Variants in NAV1 observed in about 807,000 individuals in gnomAD.
NAV1 encodes neuron navigator 1.
In NAV1, 18 loss-of-function variants were observed where a neutral mutation model predicts 175.2. The ratio of observed to expected loss-of-function variants is 0.10; its 90% CI spans 0.07 to 0.15. The LOEUF (loss-of-function observed/expected upper bound fraction) is 0.15. NAV1 is among the 10% of genes least tolerant of loss of function. The pLI, the probability that NAV1 is intolerant of heterozygous loss-of-function variation, is 1.00. For missense variants in NAV1, 1,731 were observed against 2,436.6 expected (o/e 0.71, Z 6.10); for synonymous variants, 897 against 978.7 (o/e 0.92, Z 1.56).
exon 1 of NAV1, chr1:201,648,490 G>C (rs1464436025): frequency 8.9e-6 from 11 of 1,232,290 alleles, no homozygotes; most frequent in Non-Finnish European, 9.1e-6. Flanking sequence ...TGCGCCCTCG[G>C]CTTGCCTCTC....
At chr1:201,554,682 C>G (rs983465619) in intron 1 of NAV1, among the ~76,000 whole-genome samples, 1 of 152,190 alleles carries the variant, frequency 6.6e-6, no homozygotes, top group Non-Finnish European at 1.5e-5. Context: ...AGTTGAGTCC[C>G]TCCTGCACCT....
At chr1:201,685,075 C>T (rs550452428) in intron 1 of NAV1, among the ~76,000 whole-genome samples, 16 of 40,068 alleles carry the variant, frequency 4.0e-4, no homozygotes, top group East Asian at 1.6e-3. Flanking sequence ...GTCAGAAATT[C>T]GCACTGGCCA....
Position 201,787,995 on chromosome 1 carries a change from G to T in NAV1, c.2996-473G>T, listed in dbSNP as rs1571494198. On this transcript the variant is annotated intron_variant, in intron 9 of 29. Transcript: ENST00000367296. The surrounding 1 kb of genome is among the most constrained non-coding windows in gnomAD (Gnocchi z 4.3). ...CCCTTCCACAATGCCAGGGCAACGGGATCCCGTAGCCCAGCCCCCTTCTCT... is the reference window on the plus strand; with the variant it reads ...CCCTTCCACAATGCCAGGGCAACGGTATCCCGTAGCCCAGCCCCCTTCTCT... Among the ~76,000 whole-genome samples, 2 of 152,280 alleles carry T rather than the reference G, an allele frequency of 1.3e-5. No homozygotes were observed. The highest frequency in any genetic ancestry group is 1.3e-4 in the Admixed American group (2 of 15,296).
rs556530838 is a variant in NAV1 at position 201,587,762 on chromosome 1, AATAG to A, written c.-143-773_-143-770del. Among the ~76,000 whole-genome samples the A allele has an allele frequency of 7.9e-5, 12 of 152,346 alleles. No homozygotes were observed. The South Asian group carries it at 2.3e-3, about 29-fold the overall frequency. ...AAATTAAAAGTAGGCAAAATATTTGAATAGATATTTATCCAAAGACAATACACAA... is the reference window on the plus strand; with the variant it reads ...AAATTAAAAGTAGGCAAAATATTTGAATATTTATCCAAAGACAATACACAA... On this transcript the variant is annotated intron_variant, in intron 1 of 33. Coordinates refer to the NAV1 transcript ENST00000685211.
At chr1:201,571,638 T>C (rs1666546889) in intron 1 of NAV1, among the ~76,000 whole-genome samples, 2 of 152,246 alleles carry the variant, frequency 1.3e-5, no homozygotes, top group African/African-American at 4.8e-5. Flanking sequence ...CCCCTTCAAT[T>C]ATCCACAGTC....
At chr1:201,685,139 G>A (rs1670635373) in intron 1 of NAV1, among the ~76,000 whole-genome samples, 1 of 151,926 alleles carries the variant, frequency 6.6e-6, no homozygotes, top group South Asian at 2.1e-4. Context: ...TGGCATGGTG[G>A]TGGGCACCTG....
chr1:201,715,435 C>A (rs1406840554), intron 2 of NAV1, among the ~76,000 whole-genome samples: 1 of 152,208 alleles, frequency 6.6e-6, no homozygotes, highest in Non-Finnish European at 1.5e-5. Flanking sequence ...GCTGGGATTA[C>A]AGGTGTGAGC....
At chr1:201,542,443 TC>T (rs1665541345) in intron 1 of NAV1, among the ~76,000 whole-genome samples, 1 of 152,136 alleles carries the variant, frequency 6.6e-6, no homozygotes, top group Non-Finnish European at 1.5e-5. Context: ...CACTTTTAGT[TC>T]CTTCTTCAAC....
At chr1:201,649,357 A>G in exon 1 of NAV1, 1 of 1,609,108 alleles carries the variant, frequency 6.2e-7, no homozygotes, top group Non-Finnish European at 8.5e-7. Context: ...GCCTTCCTCA[A>G]GGTGGACCCC....
chr1:201,662,093 T>G (rs576520515), intron 1 of NAV1, among the ~76,000 whole-genome samples: 27 of 152,368 alleles, frequency 1.8e-4, no homozygotes, highest in African/African-American at 5.8e-4. Context: ...ACCTGCCTCC[T>G]TAGCCACTAT....
chr1:201,682,186 T>TGA (rs1200607712), intron 1 of NAV1, among the ~76,000 whole-genome samples: 2 of 150,654 alleles, frequency 1.3e-5, no homozygotes, highest in Non-Finnish European at 2.9e-5. Context: ...CCTGGGAGGC[T>TGA]GAGGCACAAG....
chr1:201,649,039 A>G (rs780961371), exon 1 of NAV1: 1 of 1,613,564 alleles, frequency 6.2e-7, no homozygotes, highest in Non-Finnish European at 8.5e-7. Flanking sequence ...GGCTTAGGCA[A>G]GGTGGGGTCC....
At chr1:201,565,682 A>G (rs1482568272) in intron 1 of NAV1, among the ~76,000 whole-genome samples, 1 of 152,196 alleles carries the variant, frequency 6.6e-6, no homozygotes, top group African/African-American at 2.4e-5. Context: ...GCGTTTTGCA[A>G]TCATTTTTAT....
chr1:201,701,009 CAAAAAAAAAAA>C (rs386369321), intron 1 of NAV1, among the ~76,000 whole-genome samples: 1 of 52,752 alleles, frequency 1.9e-5, no homozygotes, highest in East Asian at 7.3e-4. Flanking sequence ...GACTCTGTCT[CAAAAAAAAAAA>C]AAAAAAAAAA....
intron 2 of NAV1, among the ~76,000 whole-genome samples, chr1:201,636,158 G>A (rs570518675): frequency 1.3e-5 from 2 of 152,182 alleles, no homozygotes; most frequent in Non-Finnish European, 2.9e-5. Flanking sequence ...GTCTCCCTGG[G>A]AAGGCCCAGG....
chr1:201,787,399 A>G lies in NAV1; in HGVS notation c.2995+822A>G, dbSNP rs1396011929. Among the ~76,000 whole-genome samples, 3 of 152,176 alleles carry G rather than the reference A, an allele frequency of 2.0e-5. No individual in the cohort carries two copies. Among genetic ancestry groups the G allele is most frequent in the Non-Finnish European group, 4.4e-5 (3 of 68,026 alleles). ...GGACCTGTAACACACCCATGCAGTG[A>G]CTGTGGGGAATTTGAGGAAAGACTA... On this transcript the variant is annotated intron_variant, in intron 9 of 29. Coordinates refer to ENST00000367296, the Ensembl canonical transcript of NAV1. The surrounding 1 kb of genome is among the most constrained non-coding windows in gnomAD (Gnocchi z 4.3).
intron 7 of NAV1, 106 bp from the exon 12 acceptor site, chr1:201,785,204 T>C (rs1676643618): frequency 8.6e-6 from 10 of 1,168,436 alleles, no homozygotes; most frequent in African/African-American, 1.6e-5. Context: ...ATGTCCTGCG[T>C]CTAGGGTCTG....
At chr1:201,815,800 G>A (rs1035244265) in intron 28 of NAV1, among the ~76,000 whole-genome samples, 7 of 152,132 alleles carry the variant, frequency 4.6e-5, no homozygotes, top group Admixed American at 2.6e-4. Flanking sequence ...GTGCAATGGC[G>A]GGATCTTGGC....
chr1:201,797,178 A>G (rs1456448433), intron 15 of NAV1: 3 of 152,214 alleles, frequency 2.0e-5, no homozygotes, highest in Non-Finnish European at 4.4e-5. Context: ...TAGGCAGTCT[A>G]ACTTCATTCT....
Sources: gnomAD v4.1 joint callset for allele counts (sites outside exome capture counted in the v4.1 genomes callset) on GRCh38, gnomAD v4.1.1 for gene constraint, Gnocchi (gnomAD v3.1) non-coding constraint, MANE v1.5 for transcripts, NCBI Gene and HGNC (gene_info 2026-07-23, HGNC 2026-07-21) for gene names.